Variants in RFTN1 observed in about 807,000 individuals in gnomAD.
RFTN1 encodes the protein raftlin.
RFTN1 carries 26 observed loss-of-function variants against 46.5 expected under a neutral mutation model. The ratio of observed to expected loss-of-function variants is 0.56; its 90% CI spans 0.41 to 0.78. The LOEUF is 0.78. RFTN1 is among the 30% of genes least tolerant of loss of function. RFTN1 has a pLI of 0.00. For missense variants in RFTN1, 693 were observed against 718.7 expected, an observed-to-expected ratio of 0.96 and a Z score of 0.41; for synonymous variants, 261 against 284.2, an observed-to-expected ratio of 0.92 and a Z score of 0.82.
In RFTN1 at chr3:16,501,296, T is replaced by C. The variant is rs1229409456; in HGVS notation, c.-8-7419A>G. Among the ~76,000 whole-genome samples the C allele has an allele frequency of 3.3e-5, 5 of 152,358 alleles. No individual in the cohort carries two copies. In the East Asian group the frequency reaches 9.6e-4, roughly 29 times the overall value. On this transcript the variant is annotated intron_variant, in intron 1 of 9. Transcript: ENST00000334133. ...AAAGTATCCTAATTTGTTTCTGAAA[T>C]GCTTCCCACGATGCCCATAAAAAGA...
intron 1 of RFTN1, among the ~76,000 whole-genome samples, chr3:16,496,631 G>A (rs1575375176): frequency 6.6e-6 from 1 of 152,234 alleles, no homozygotes; most frequent in African/African-American, 2.4e-5. Context: ...CACTGATGGT[G>A]AGAGTGTGAA....
chr3:16,501,153 G>GCA (rs550743051), intron 1 of RFTN1, among the ~76,000 whole-genome samples: 4 of 151,938 alleles, frequency 2.6e-5, no homozygotes, highest in East Asian at 1.9e-4. Flanking sequence ...ACACACACAC[G>GCA]CACACACACA....
Position 16,400,720 on chromosome 3 carries a change from C to T in RFTN1, c.441+8655G>A, listed in dbSNP as rs1412084170. ...TCCCTCCGGCTTAAATTAACTTCAG[C>T]GAACCTCTCTGGACAGAACAGGAAG... On this transcript the variant is annotated intron_variant, in intron 4 of 9. Transcript: ENST00000334133. This position sits in a 1 kb window ranked among gnomAD's most constrained non-coding sequence, Gnocchi z 4.5. 6.6e-6 allele frequency among the ~76,000 whole-genome samples: 1 copy of T among 152,230 alleles called. No homozygotes were observed. The highest frequency in any genetic ancestry group is 1.9e-4 in the East Asian group (1 of 5,180).
chr3:16,487,848 T>C (rs2076474876), intron 2 of RFTN1, among the ~76,000 whole-genome samples: 1 of 152,242 alleles, frequency 6.6e-6, no homozygotes, highest in Non-Finnish European at 1.5e-5. Context: ...TGATGCTTTA[T>C]GGGCCTCCAT....
In RFTN1 at chr3:16,411,138, C is replaced by T. The variant is rs918144873; in HGVS notation, c.333-1655G>A. Among the ~76,000 whole-genome samples the T allele has an allele frequency of 2.6e-4, 40 of 152,212 alleles. 2 individuals carry two copies. Among genetic ancestry groups the T allele is most frequent in the Admixed American group, 2.0e-3 (30 of 15,294 alleles). ...CTGGCCCACTTATGAGGCTGTTCTACCAAAGAGGGGCCCCTGAAGTCCCTG... is the reference window on the plus strand; with the variant it reads ...CTGGCCCACTTATGAGGCTGTTCTATCAAAGAGGGGCCCCTGAAGTCCCTG... On this transcript the variant is annotated intron_variant, in intron 3 of 9. Coordinates refer to ENST00000334133, the MANE Select transcript of RFTN1 (RefSeq NM_015150.2).
Position 16,474,840 on chromosome 3 carries a change from C to T in RFTN1, c.145+18885G>A, listed in dbSNP as rs1054774610. On this transcript the variant is annotated intron_variant, in intron 2 of 9. Transcript: ENST00000334133. This position sits in a 1 kb window ranked among gnomAD's most constrained non-coding sequence, Gnocchi z 5.5. ...AATACAAGCTGCATCAGTTCTATTT[C>T]TTCCCCAGCCAGAATACACAGGACT... Among the ~76,000 whole-genome samples, 4 of 152,220 alleles carry T rather than the reference C, an allele frequency of 2.6e-5. No individual in the cohort carries two copies. The highest frequency in any genetic ancestry group is 1.3e-4 in the Admixed American group (2 of 15,286).
rs186419342 is a variant in RFTN1 at position 16,342,260 on chromosome 3, C to T, written c.1147-15384G>A. On this transcript the variant is annotated intron_variant, in intron 7 of 9. Coordinates refer to ENST00000334133, the MANE Select transcript of RFTN1 (RefSeq NM_015150.2). This position sits in a 1 kb window ranked among gnomAD's most constrained non-coding sequence, Gnocchi z 4.0. ...ACTTTTTGTCTCTATGCACTTGCCT[C>T]ACCTGGATATTTCATATAAATGGAT... Among the ~76,000 whole-genome samples the T allele has an allele frequency of 3.9e-5, 6 of 152,230 alleles. 1 individual carries two copies. In the East Asian group the frequency reaches 9.6e-4, roughly 24 times the overall value.
At position 16,317,178 on chromosome 3, in the gene RFTN1, T is replaced by C; in HGVS notation, c.1387A>G (p.Lys463Glu). 6.2e-7 allele frequency: 1 copy of C among 1,613,636 alleles called. No individual in the cohort carries two copies. Among genetic ancestry groups the C allele is most frequent in the Non-Finnish European group, 8.5e-7 (1 of 1,179,988 alleles). ...EMHNRQMRKS[K>E]GKLSARDKQQ... is the part of the protein sequence containing the mutation. Reference sequence around the variant, plus strand: ...TTGTCTCTGGCACTGAGTTTACCTTTTGATTTCCTCATCTGCCTGTTGTGC... The same window carrying C: ...TTGTCTCTGGCACTGAGTTTACCTTCTGATTTCCTCATCTGCCTGTTGTGC... Residue 463 changes from lysine (K) to glutamate (E), a missense_variant, in exon 10 of 10, where the codon AAA becomes GAA. Coordinates refer to ENST00000334133, the MANE Select transcript of RFTN1 (RefSeq NM_015150.2). The surrounding 1 kb of genome is among the most constrained non-coding windows in gnomAD (Gnocchi z 4.3).
rs966555635 is a variant in RFTN1, at chr3:16,504,631, T to A, written c.-9+8811A>T. Among the ~76,000 whole-genome samples, 3 of 152,168 alleles carry A rather than the reference T, an allele frequency of 2.0e-5. No individual in the cohort carries two copies. The highest frequency in any genetic ancestry group is 7.2e-5 in the African/African-American group (3 of 41,424). On this transcript the variant is annotated intron_variant, in intron 1 of 9. Transcript: ENST00000334133. This position sits in a 1 kb window ranked among gnomAD's most constrained non-coding sequence, Gnocchi z 4.4. ...GGAACCACCAATACATAGTATTATG[T>A]ATGCTCAAAAAAGTTACTTACATGC...
Position 16,342,131 on chromosome 3 carries a change from C to T in RFTN1, c.1147-15255G>A, listed in dbSNP as rs1283081853. ...ATTCAGAGTTATACAACCATCACCA[C>T]AATCTAAGTTTAGACCACTTTCATC... On this transcript the variant is annotated intron_variant, in intron 7 of 9. Transcript: ENST00000334133. This position sits in a 1 kb window ranked among gnomAD's most constrained non-coding sequence, Gnocchi z 4.0. 6.6e-6 allele frequency among the ~76,000 whole-genome samples: 1 copy of T among 152,178 alleles called. No homozygotes were observed. Among genetic ancestry groups the T allele is most frequent in the African/African-American group, 2.4e-5 (1 of 41,430 alleles).
Position 16,353,084 on chromosome 3 carries a change from G to A in RFTN1, c.1146+4848C>T, listed in dbSNP as rs1191470699. Among the ~76,000 whole-genome samples the A allele has an allele frequency of 6.6e-6, 1 of 152,206 alleles. No individual in the cohort carries two copies. The highest frequency in any genetic ancestry group is 1.5e-5 in the Non-Finnish European group (1 of 68,034). ...AAAGGGACAGACCAGTCCCCACTGT[G>A]AGACATGAGAAAGAGCTGGGCAGGG... On this transcript the variant is annotated intron_variant, in intron 7 of 9. Transcript: ENST00000334133. The surrounding 1 kb of genome is among the most constrained non-coding windows in gnomAD (Gnocchi z 5.4).
At chr3:16,367,276 A>G (rs1193600800) in intron 6 of RFTN1, among the ~76,000 whole-genome samples, 1 of 147,896 alleles carries the variant, frequency 6.8e-6, no homozygotes, top group Non-Finnish European at 1.5e-5. Context: ...GATTACGATT[A>G]GCTTGCCATT....
intron 8 of RFTN1, among the ~76,000 whole-genome samples, chr3:16,325,574 G>C (rs1472337842): frequency 6.6e-6 from 1 of 152,128 alleles, no homozygotes; most frequent in Non-Finnish European, 1.5e-5. Flanking sequence ...TGAAGACTTG[G>C]GTTCAAGTCT....
At chr3:16,391,994 C>A (rs1348919700) in intron 4 of RFTN1, among the ~76,000 whole-genome samples, 1 of 148,760 alleles carries the variant, frequency 6.7e-6, no homozygotes, top group Non-Finnish European at 1.5e-5. Context: ...TAACTGGAAT[C>A]AGGAGAGAAT....
chr3:16,482,959 C>T, intron 2 of RFTN1: 1 of 757,942 alleles, frequency 1.3e-6, no homozygotes, highest in Non-Finnish European at 2.1e-6. Context: ...GCAGCAGTAT[C>T]AAGGGCTGCT....
intron 4 of RFTN1, among the ~76,000 whole-genome samples, chr3:16,392,580 T>C (rs923348082): frequency 6.6e-6 from 1 of 150,766 alleles, no homozygotes; most frequent in Admixed American, 6.6e-5. Flanking sequence ...CATATATAAA[T>C]ATATATTACA....
intron 7 of RFTN1, chr3:16,349,305 GA>G (rs2071936273): frequency 6.6e-6 from 1 of 152,250 alleles, no homozygotes; most frequent in African/African-American, 2.4e-5. Context: ...GTCACCCTAA[GA>G]TAAAAGTTGG....
Position 16,437,205 on chromosome 3 carries a change from A to G in RFTN1, c.146-3168T>C, listed in dbSNP as rs75885819. Among the ~76,000 whole-genome samples, 37 of 152,294 alleles carry G rather than the reference A, an allele frequency of 2.4e-4. No homozygotes were observed. The East Asian group carries it at 6.7e-3, about 28-fold the overall frequency. On this transcript the variant is annotated intron_variant, in intron 2 of 9. Coordinates refer to ENST00000334133, the MANE Select transcript of RFTN1 (RefSeq NM_015150.2). Reference sequence around the variant, plus strand: ...TACATTTTCCTTTTTCACTTCTGTAATATTCACTGCATGCAAGGGTGTTGG... The same window carrying G: ...TACATTTTCCTTTTTCACTTCTGTAGTATTCACTGCATGCAAGGGTGTTGG...
rs932183266 is a variant in RFTN1 at position 16,345,721 on chromosome 3, G to A, written c.1146+12211C>T. 6.6e-6 allele frequency among the ~76,000 whole-genome samples: 1 copy of A among 151,862 alleles called. No individual in the cohort carries two copies. Among genetic ancestry groups the A allele is most frequent in the African/African-American group, 2.4e-5 (1 of 41,320 alleles). On this transcript the variant is annotated intron_variant, in intron 7 of 9. Coordinates refer to ENST00000334133, the MANE Select transcript of RFTN1 (RefSeq NM_015150.2). The surrounding 1 kb of genome is among the most constrained non-coding windows in gnomAD (Gnocchi z 5.2). ...ACTGGCTTTCCTGGGTCTCCAGCTT[G>A]CAGATAGCAGACTGTGGGACTCCTC...
Sources: allele counts gnomAD v4.1 joint callset (sites outside exome capture counted in the v4.1 genomes callset), GRCh38; gene constraint gnomAD v4.1.1; non-coding constraint Gnocchi (gnomAD v3.1); transcripts MANE v1.5; gene names NCBI Gene and HGNC (gene_info 2026-07-23, HGNC 2026-07-21).